Variants in TMEM123 observed in about 807,000 individuals in gnomAD.
TMEM123 encodes porimin.
In TMEM123, 16 loss-of-function variants were observed where a neutral mutation model predicts 19.7. That is an observed-to-expected ratio of 0.81 (90% CI 0.55 to 1.23). The LOEUF is 1.23. Ranked by LOEUF, TMEM123 falls within the 50% of genes most tolerant of loss-of-function variation. The pLI is 0.00. For synonymous variants in TMEM123, 118 were observed against 99.4 expected, an observed-to-expected ratio of 1.19 and a Z score of -1.12; for missense variants, 313 against 257.8, an observed-to-expected ratio of 1.21 and a Z score of -1.47.
At position 102,426,863 on chromosome 11, in the gene TMEM123, C is replaced by T. The variant is rs1443328383; in HGVS notation, c.157+21949G>A. 9.3e-5 allele frequency among the ~76,000 whole-genome samples: 5 copies of T among 53,728 alleles called. 1 individual carries two copies. The highest frequency in any genetic ancestry group is 2.7e-4 in the African/African-American group (4 of 14,966). 35.2% of individuals were successfully genotyped at this position (53,728 alleles called of 152,430 possible). ...GCTTAATGTTTTTAAAGTAGTTCCC[C>T]CCCCCCCCCCATTTATTGCTCAAAA... is the stretch of plus-strand genomic sequence containing the variant. On this transcript the variant is annotated intron_variant, in intron 2 of 4. Coordinates refer to ENST00000398136, the MANE Select transcript of TMEM123 (RefSeq NM_052932.3).
chr11:102,416,827 G>A (rs1042314937), intron 2 of TMEM123, among the ~76,000 whole-genome samples: 1 of 152,138 alleles, frequency 6.6e-6, no homozygotes, highest in African/African-American at 2.4e-5. Context: ...TTCTTGGGAT[G>A]CAAGGTTGGT....
intron 2 of TMEM123, among the ~76,000 whole-genome samples, chr11:102,406,763 C>A (rs566202847): frequency 1.3e-5 from 2 of 150,528 alleles, no homozygotes; most frequent in African/African-American, 2.4e-5. Flanking sequence ...CCCAGCTACT[C>A]GGGAGGCTGA....
At chr11:102,407,530 T>C (rs990040823) in intron 2 of TMEM123, among the ~76,000 whole-genome samples, 2 of 152,184 alleles carry the variant, frequency 1.3e-5, no homozygotes, top group South Asian at 4.1e-4. Flanking sequence ...GAATGTGACC[T>C]TATTTGGAGA....
chr11:102,423,941 A>G (rs1004096673), intron 2 of TMEM123, among the ~76,000 whole-genome samples: 5 of 152,250 alleles, frequency 3.3e-5, no homozygotes, highest in South Asian at 2.1e-4. Flanking sequence ...TAAAAAATAT[A>G]TAAAAGTTTT....
intron 2 of TMEM123, among the ~76,000 whole-genome samples, chr11:102,432,208 G>A (rs955080372): frequency 5.3e-5 from 8 of 152,140 alleles, no homozygotes; most frequent in Non-Finnish European, 1.0e-4. Flanking sequence ...GGGAAATGTG[G>A]GAAAGTTTGG....
At chr11:102,412,853 C>G (rs535094915) in intron 2 of TMEM123, among the ~76,000 whole-genome samples, 39 of 152,284 alleles carry the variant, frequency 2.6e-4, no homozygotes, top group Non-Finnish European at 4.7e-4. Flanking sequence ...AAGGAAATGA[C>G]AGGTTCTCAA....
At chr11:102,428,209 C>G (rs1565352667) in intron 2 of TMEM123, among the ~76,000 whole-genome samples, 1 of 152,102 alleles carries the variant, frequency 6.6e-6, no homozygotes, top group Non-Finnish European at 1.5e-5. Context: ...GTTGATATTT[C>G]AGATCTAACT....
At chr11:102,438,441 A>G (rs1857788305) in intron 2 of TMEM123, among the ~76,000 whole-genome samples, 1 of 152,188 alleles carries the variant, frequency 6.6e-6, no homozygotes, top group African/African-American at 2.4e-5. Flanking sequence ...TATCTTCATG[A>G]GAGCAGGAAC....
chr11:102,432,173 A>G (rs1857717260), intron 2 of TMEM123, among the ~76,000 whole-genome samples: 1 of 152,226 alleles, frequency 6.6e-6, no homozygotes. Context: ...AGGTTTAAAC[A>G]GTTTGGAGGA....
At chr11:102,417,213 T>C (rs1952049979) in intron 2 of TMEM123, among the ~76,000 whole-genome samples, 1 of 152,096 alleles carries the variant, frequency 6.6e-6, no homozygotes, top group African/African-American at 2.4e-5. Flanking sequence ...AGTCAAACTC[T>C]CTCTTTGCAG....
rs113168811 is a variant in TMEM123, at chr11:102,411,637, T to C, written c.158-9431A>G. On this transcript the variant is annotated intron_variant, in intron 2 of 4. Coordinates refer to ENST00000398136, the MANE Select transcript of TMEM123 (RefSeq NM_052932.3). ...GGTAGTAGATAGAGTCAGAACTGAA[T>C]TGGATTGTAGGACACTCAGCTGATG... Among the ~76,000 whole-genome samples, 145 of 151,874 alleles carry C rather than the reference T, an allele frequency of 9.5e-4. 1 individual carries two copies. Among genetic ancestry groups the C allele is most frequent in the African/African-American group, 3.4e-3 (140 of 41,406 alleles).
intron 2 of TMEM123, among the ~76,000 whole-genome samples, chr11:102,437,799 C>G (rs1857780096): frequency 6.6e-6 from 1 of 152,172 alleles, no homozygotes; most frequent in Non-Finnish European, 1.5e-5. Context: ...GGGGCCTGCT[C>G]TGTTTTTGAT....
chr11:102,414,002 AT>A (rs1259847892), intron 2 of TMEM123, among the ~76,000 whole-genome samples: 2 of 152,212 alleles, frequency 1.3e-5, no homozygotes, highest in African/African-American at 4.8e-5. Flanking sequence ...CAAAATAGCA[AT>A]TTTAAGAAAG....
intron 2 of TMEM123, 80 bp from the exon 3 acceptor site, chr11:102,402,286 C>T: frequency 6.9e-7 from 1 of 1,444,182 alleles, no homozygotes; most frequent in South Asian, 1.3e-5. Flanking sequence ...CTTTCATGGT[C>T]ACAGACAAAG....
chr11:102,404,926 G>C (rs1951942794), intron 2 of TMEM123, among the ~76,000 whole-genome samples: 1 of 152,080 alleles, frequency 6.6e-6, no homozygotes, highest in African/African-American at 2.4e-5. Flanking sequence ...TGACTTAACT[G>C]TCAAAACAAG....
intron 2 of TMEM123, among the ~76,000 whole-genome samples, chr11:102,423,543 C>T (rs1397346578): frequency 6.6e-6 from 1 of 152,180 alleles, no homozygotes; most frequent in Non-Finnish European, 1.5e-5. Flanking sequence ...ATTCTCTATC[C>T]CCAGTTAAGC....
intron 2 of TMEM123, among the ~76,000 whole-genome samples, chr11:102,414,993 G>A (rs1952032939): frequency 6.6e-6 from 1 of 152,124 alleles, no homozygotes; most frequent in African/African-American, 2.4e-5. Context: ...AAAATAAAGG[G>A]ATAAAGAAAA....
At chr11:102,410,780 C>G (rs1406291328) in intron 2 of TMEM123, among the ~76,000 whole-genome samples, 1 of 151,954 alleles carries the variant, frequency 6.6e-6, no homozygotes, top group East Asian at 1.9e-4. Context: ...GAGACGTGAT[C>G]CTTATCAGCA....
intron 2 of TMEM123, among the ~76,000 whole-genome samples, chr11:102,442,578 C>T (rs1308753085): frequency 1.3e-5 from 2 of 152,210 alleles, no homozygotes; most frequent in Non-Finnish European, 2.9e-5. Context: ...GACAAACCCA[C>T]AGCCAATATC....
Sources: gnomAD v4.1 joint callset for allele counts (sites outside exome capture counted in the v4.1 genomes callset) on GRCh38, gnomAD v4.1.1 for gene constraint, MANE v1.5 for transcripts, NCBI Gene and HGNC (gene_info 2026-07-23, HGNC 2026-07-21) for gene names.